Variants in RPH3A observed in about 807,000 individuals in gnomAD.
The protein encoded by RPH3A is rabphilin 3A.
A neutral mutation model predicts 102.2 loss-of-function variants in RPH3A; 48 were observed. That is an observed-to-expected ratio of 0.47 (90% CI 0.37 to 0.60). The LOEUF is 0.60. Ranked by LOEUF, RPH3A falls within the 20% of genes least tolerant of loss-of-function variation. The pLI is 0.00. For missense variants in RPH3A, 781 were observed against 910.1 expected (o/e 0.86, Z 1.83); for synonymous variants, 310 against 324.3 (o/e 0.96, Z 0.47).
chr12:112,816,227 C>T (rs1444830940), intron 2 of RPH3A, among the ~76,000 whole-genome samples: 1 of 152,198 alleles, frequency 6.6e-6, no homozygotes, highest in Non-Finnish European at 1.5e-5. Context: ...CTCCAGGCTT[C>T]AGTTTCCCCA....
chr12:112,608,740 T>C (rs933976438), intron 1 of RPH3A, among the ~76,000 whole-genome samples: 1 of 152,222 alleles, frequency 6.6e-6, no homozygotes, highest in African/African-American at 2.4e-5. Context: ...CACACTATTC[T>C]TTTTGTGTTT....
intron 18 of RPH3A, 47 bp downstream of exon 18, chr12:112,890,127 G>A (rs763059799): frequency 6.5e-7 from 1 of 1,536,980 alleles, no homozygotes; most frequent in East Asian, 2.3e-5. Context: ...TCTGTACTGG[G>A]CTAGGCTAGC....
At chr12:112,658,852 G>T (rs1054533979) in intron 1 of RPH3A, among the ~76,000 whole-genome samples, 2 of 152,148 alleles carry the variant, frequency 1.3e-5, no homozygotes, top group African/African-American at 2.4e-5. Context: ...CAGATTAATT[G>T]ACCTTCCAGG....
At chr12:112,792,580 T>G (rs909898844) in intron 2 of RPH3A, among the ~76,000 whole-genome samples, 1 of 152,190 alleles carries the variant, frequency 6.6e-6, no homozygotes, top group Non-Finnish European at 1.5e-5. Flanking sequence ...GGCAGTTCTC[T>G]GAGAGAGTTA....
chr12:112,895,926 G>A (rs1313552563), intron 21 of RPH3A, 53 bp downstream of exon 21: 2 of 1,261,412 alleles, frequency 1.6e-6, no homozygotes, highest in South Asian at 1.2e-5. Context: ...CCCCAGAACA[G>A]GAGAGCCTTA....
At chr12:112,836,442 C>G in intron 3 of RPH3A, 49 bp from the exon 4 acceptor site, 1 of 1,189,470 alleles carries the variant, frequency 8.4e-7, no homozygotes. Context: ...TGATTTCTTA[C>G]CTAACTTTAT....
chr12:112,883,985 G>A (rs965143930), intron 16 of RPH3A, among the ~76,000 whole-genome samples: 1 of 152,028 alleles, frequency 6.6e-6, no homozygotes. Flanking sequence ...CTGTTTCTAG[G>A]TGCACAGGTG....
intron 1 of RPH3A, chr12:112,617,797 T>G (rs1023381698): frequency 2.6e-5 from 4 of 152,192 alleles, no homozygotes; most frequent in African/African-American, 9.7e-5. Flanking sequence ...CCCCCTAGGC[T>G]CAAGTGATCC....
chr12:112,880,424 G>A (rs1442172282), intron 14 of RPH3A, among the ~76,000 whole-genome samples: 2 of 152,188 alleles, frequency 1.3e-5, no homozygotes, highest in African/African-American at 2.4e-5. Context: ...AACTTCTGAG[G>A]TAGGGATTCT....
chr12:112,627,345 G>A (rs1484455184), intron 1 of RPH3A, among the ~76,000 whole-genome samples: 3 of 148,726 alleles, frequency 2.0e-5, no homozygotes. Flanking sequence ...CTGTCATTAT[G>A]TACTATATAT....
intron 1 of RPH3A, among the ~76,000 whole-genome samples, chr12:112,684,109 C>T (rs1254924805): frequency 6.6e-6 from 1 of 152,022 alleles, no homozygotes; most frequent in Non-Finnish European, 1.5e-5. Context: ...TTAGATATTT[C>T]CATTAGACTG....
chr12:112,719,702 T>C (rs1297736340), intron 1 of RPH3A, among the ~76,000 whole-genome samples: 2 of 152,148 alleles, frequency 1.3e-5, no homozygotes, highest in Non-Finnish European at 2.9e-5. Context: ...TGCAATAAAT[T>C]AGGGCAGTTG....
chr12:112,713,035 T>G (rs55696352), intron 1 of RPH3A, among the ~76,000 whole-genome samples: 8 of 78,792 alleles, frequency 1.0e-4, no homozygotes, highest in South Asian at 1.2e-3. Flanking sequence ...CTTCTTCTTC[T>G]TCTTCTTCTT....
chr12:112,866,880 C>T (rs951834850), intron 7 of RPH3A, 40 bp downstream of exon 7: 1 of 1,514,770 alleles, frequency 6.6e-7, no homozygotes, highest in African/African-American at 1.4e-5. Flanking sequence ...GATCACCCTC[C>T]TTTCTTGGCC....
At chr12:112,627,695 A>G (rs1015321916) in intron 1 of RPH3A, among the ~76,000 whole-genome samples, 5 of 152,230 alleles carry the variant, frequency 3.3e-5, no homozygotes, top group African/African-American at 1.2e-4. Context: ...ATGGAGAAAG[A>G]TAAAACTGAG....
intron 2 of RPH3A, among the ~76,000 whole-genome samples, chr12:112,824,816 C>T (rs182536133): frequency 6.6e-6 from 1 of 152,264 alleles, no homozygotes; most frequent in East Asian, 1.9e-4. Flanking sequence ...AAACATACCC[C>T]TGGTGTGCGT....
At chr12:112,695,833 T>A (rs1462306851) in intron 1 of RPH3A, among the ~76,000 whole-genome samples, 2 of 152,202 alleles carry the variant, frequency 1.3e-5, no homozygotes, top group African/African-American at 2.4e-5. Flanking sequence ...CTACTAGTTA[T>A]CATTTATTAT....
intron 1 of RPH3A, among the ~76,000 whole-genome samples, chr12:112,687,270 C>G (rs747478759): frequency 2.0e-5 from 3 of 152,136 alleles, no homozygotes; most frequent in Non-Finnish European, 4.4e-5. Flanking sequence ...TATCAAGGAC[C>G]CAGGCTCTTT....
intron 1 of RPH3A, among the ~76,000 whole-genome samples, chr12:112,757,180 C>T (rs552585306): frequency 3.0e-4 from 45 of 152,156 alleles, no homozygotes; most frequent in Non-Finnish European, 4.3e-4. Flanking sequence ...TATGGTTCAA[C>T]GTCCCAAATA....
Sources: gnomAD v4.1 joint callset for allele counts (sites outside exome capture counted in the v4.1 genomes callset) on GRCh38, gnomAD v4.1.1 for gene constraint, MANE v1.5 for transcripts, NCBI Gene and HGNC (gene_info 2026-07-23, HGNC 2026-07-21) for gene names.